PTPRN2: variants seen among roughly 807,000 people sequenced by gnomAD.
The protein encoded by PTPRN2 is protein tyrosine phosphatase receptor type N2.
A neutral mutation model predicts 118.8 loss-of-function variants in PTPRN2; 74 were observed. The ratio of observed to expected loss-of-function variants is 0.62; its 90% CI spans 0.52 to 0.76. The LOEUF is 0.76. Ranked by LOEUF, PTPRN2 falls within the 30% of genes least tolerant of loss-of-function variation. The pLI, the probability that PTPRN2 is intolerant of heterozygous loss-of-function variation, is 0.00. For synonymous variants in PTPRN2, 641 were observed against 608.0 expected (o/e 1.05, Z -0.80); for missense variants, 1,481 against 1,394.4 (o/e 1.06, Z -0.99).
intron 11 of PTPRN2, among the ~76,000 whole-genome samples, chr7:158,025,043 G>A (rs989071957): frequency 6.6e-6 from 1 of 152,120 alleles, no homozygotes; most frequent in Admixed American, 6.5e-5. Flanking sequence ...CGGGCAGCTG[G>A]GCTTTGCAGT....
At chr7:158,016,441 C>T (rs1258742318) in intron 11 of PTPRN2, among the ~76,000 whole-genome samples, 1 of 152,240 alleles carries the variant, frequency 6.6e-6, no homozygotes, top group Admixed American at 6.5e-5. Context: ...AGGGGCCTCC[C>T]TGTCCGAGGC....
At chr7:158,137,661 C>T (rs1818950803) in intron 7 of PTPRN2, among the ~76,000 whole-genome samples, 2 of 152,178 alleles carry the variant, frequency 1.3e-5, no homozygotes, top group African/African-American at 4.8e-5. Context: ...AGTCAGGCTT[C>T]CAGCTTCCAG....
At chr7:158,038,896 A>G (rs567225963) in intron 11 of PTPRN2, among the ~76,000 whole-genome samples, 4 of 152,172 alleles carry the variant, frequency 2.6e-5, no homozygotes, top group African/African-American at 7.2e-5. Context: ...CAAGCAATTC[A>G]CTAATGAGGA....
At chr7:158,393,183 C>T (rs1002482931) in intron 2 of PTPRN2, among the ~76,000 whole-genome samples, 2 of 152,198 alleles carry the variant, frequency 1.3e-5, no homozygotes, top group African/African-American at 4.8e-5. Context: ...CTGGTCACAG[C>T]GCCTCCAACG....
intron 11 of PTPRN2, among the ~76,000 whole-genome samples, chr7:158,074,822 C>CA (rs1812221254): frequency 6.6e-6 from 1 of 152,238 alleles, no homozygotes; most frequent in East Asian, 1.9e-4. Flanking sequence ...ATTGCTCGTT[C>CA]ATTTGCAGGT....
At chr7:158,473,522 C>T (rs552917483) in intron 2 of PTPRN2, among the ~76,000 whole-genome samples, 1 of 152,286 alleles carries the variant, frequency 6.6e-6, no homozygotes, top group Non-Finnish European at 1.5e-5. Flanking sequence ...GCCTCTCCCT[C>T]GTCCATAATT....
chr7:157,890,875 C>CATCCACCTGG (rs1282591431), intron 12 of PTPRN2, among the ~76,000 whole-genome samples: 2 of 152,218 alleles, frequency 1.3e-5, no homozygotes, highest in South Asian at 2.1e-4. Flanking sequence ...GAGCCTCATC[C>CATCCACCTGG]ATCCACCTGG....
chr7:157,561,761 T>G (rs221285), intron 21 of PTPRN2, among the ~76,000 whole-genome samples: 71,588 of 152,144 alleles, frequency 0.47, 17,337 homozygotes, highest in South Asian at 0.69. Context: ...GGAGTGTCCT[T>G]GTCTGCTCTC....
At chr7:158,255,932 A>G (rs1369909976) in intron 3 of PTPRN2, among the ~76,000 whole-genome samples, 1 of 152,208 alleles carries the variant, frequency 6.6e-6, no homozygotes, top group African/African-American at 2.4e-5. Flanking sequence ...CGATGCTCAG[A>G]ACTACCCAGC....
At chr7:158,088,132 G>A (rs1369371736) in intron 10 of PTPRN2, among the ~76,000 whole-genome samples, 1 of 53,950 alleles carries the variant, frequency 1.9e-5, no homozygotes, top group African/African-American at 3.6e-5. Flanking sequence ...AGGAAAGGGG[G>A]AGTCTTCACA....
At chr7:158,146,761 T>C (rs1048960581) in intron 6 of PTPRN2, among the ~76,000 whole-genome samples, 1 of 148,914 alleles carries the variant, frequency 6.7e-6, no homozygotes, top group African/African-American at 2.5e-5. Context: ...CAATAGAAAA[T>C]TAAAAGCTTC....
In PTPRN2 at chr7:157,903,946, G is replaced by A. The variant is rs766082669; in HGVS notation, c.1724-5209C>T. Among the ~76,000 whole-genome samples the A allele has an allele frequency of 2.0e-5, 3 of 152,182 alleles. No homozygotes were observed. Among genetic ancestry groups the A allele is most frequent in the Admixed American group, 6.5e-5 (1 of 15,282 alleles). On this transcript the variant is annotated intron_variant, in intron 11 of 22. Transcript: ENST00000389418. This position sits in a 1 kb window ranked among gnomAD's most constrained non-coding sequence, Gnocchi z 4.2. ...GCCCAGGTCTCAGCACACAGCAAGC[G>A]ACTAATCCATGTGCCCTCGTGACAG... is the stretch of plus-strand genomic sequence containing the variant.
At chr7:158,182,446 T>G (rs1327579382) in intron 5 of PTPRN2, among the ~76,000 whole-genome samples, 1 of 152,178 alleles carries the variant, frequency 6.6e-6, no homozygotes, top group African/African-American at 2.4e-5. Flanking sequence ...CTGCACCTAT[T>G]GACTTGTCCT....
At chr7:157,909,918 G>A (rs1797987794) in intron 11 of PTPRN2, among the ~76,000 whole-genome samples, 1 of 152,244 alleles carries the variant, frequency 6.6e-6, no homozygotes, top group Non-Finnish European at 1.5e-5. Flanking sequence ...GGAAGCATGA[G>A]CAAATTAACT....
intron 12 of PTPRN2, among the ~76,000 whole-genome samples, chr7:157,843,711 A>G (rs1808595381): frequency 6.6e-6 from 1 of 152,238 alleles, no homozygotes; most frequent in Non-Finnish European, 1.5e-5. Context: ...CTTTCTTTCC[A>G]GCGTGCCACA....
intron 2 of PTPRN2, among the ~76,000 whole-genome samples, chr7:158,320,529 C>T (rs563438677): frequency 9.0e-5 from 5 of 55,816 alleles, no homozygotes; most frequent in East Asian, 3.9e-4. Flanking sequence ...CGCCAGGTGG[C>T]GTCCGTGTTC....
rs755299538 is a variant in PTPRN2 at position 158,326,773 on chromosome 7, TCACA to T, written c.164-9845_164-9842del. 2.2e-4 allele frequency among the ~76,000 whole-genome samples: 26 copies of T among 119,466 alleles called. 2 individuals are homozygous for T. Among genetic ancestry groups the T allele is most frequent in the African/African-American group, 7.1e-4 (25 of 35,344 alleles). 78.4% of individuals were successfully genotyped at this position (119,466 alleles called of 152,430 possible). On this transcript the variant is annotated intron_variant, in intron 2 of 22. Transcript: ENST00000389418. Reference sequence around the variant, plus strand: ...TCTCACATGCACGTTTCACACATGCTCACACACTCACATGCACACACATGCACAT... The same window carrying T: ...TCTCACATGCACGTTTCACACATGCTCACTCACATGCACACACATGCACAT...
intron 11 of PTPRN2, among the ~76,000 whole-genome samples, chr7:158,012,227 T>G (rs189497570): frequency 9.2e-5 from 14 of 152,304 alleles, no homozygotes; most frequent in Admixed American, 9.1e-4. Flanking sequence ...TAAAACAATC[T>G]GCTCAGTGAG....
chr7:158,209,532 C>A (rs1037096625), intron 3 of PTPRN2, among the ~76,000 whole-genome samples: 1 of 152,172 alleles, frequency 6.6e-6, no homozygotes, highest in Non-Finnish European at 1.5e-5. Flanking sequence ...AACACTGGAG[C>A]ATCCAGATAT....
Sources: gnomAD v4.1 joint callset for allele counts (sites outside exome capture counted in the v4.1 genomes callset) on GRCh38, gnomAD v4.1.1 for gene constraint, Gnocchi (gnomAD v3.1) non-coding constraint, MANE v1.5 for transcripts, NCBI Gene and HGNC (gene_info 2026-07-23, HGNC 2026-07-21) for gene names.